Variants in GALNTL6 observed in about 807,000 individuals in gnomAD.
GALNTL6 encodes polypeptide N-acetylgalactosaminyltransferase like 6.
In GALNTL6, 46 loss-of-function variants were observed where a neutral mutation model predicts 73.7. The ratio of observed to expected loss-of-function variants is 0.62; its 90% CI spans 0.49 to 0.80. GALNTL6 has a LOEUF of 0.80. Among genes scored for constraint, GALNTL6 ranks in the 30% least tolerant of loss-of-function variants. The pLI, the probability that GALNTL6 is intolerant of heterozygous loss-of-function variation, is 0.00. For missense variants in GALNTL6, 604 were observed against 755.0 expected, an observed-to-expected ratio of 0.80 and a Z score of 2.34; for synonymous variants, 259 against 263.7, an observed-to-expected ratio of 0.98 and a Z score of 0.17.
At chr4:172,479,073 A>T (rs1337105675) in intron 5 of GALNTL6, among the ~76,000 whole-genome samples, 1 of 152,232 alleles carries the variant, frequency 6.6e-6, no homozygotes, top group African/African-American at 2.4e-5. Context: ...TGGGAATGTG[A>T]ATTAGTACAG....
At chr4:171,917,535 G>T (rs1426619561) in intron 2 of GALNTL6, among the ~76,000 whole-genome samples, 1 of 151,978 alleles carries the variant, frequency 6.6e-6, no homozygotes, top group Non-Finnish European at 1.5e-5. Context: ...GCAAAGTTGG[G>T]TTTGGAGACT....
At chr4:172,152,152 A>T (rs1734109410) in intron 2 of GALNTL6, among the ~76,000 whole-genome samples, 1 of 151,872 alleles carries the variant, frequency 6.6e-6, no homozygotes, top group Admixed American at 6.6e-5. Context: ...AAATTTTTGT[A>T]TTTTTAGTAG....
chr4:172,484,204 G>T (rs1343754232), intron 5 of GALNTL6, among the ~76,000 whole-genome samples: 1 of 152,044 alleles, frequency 6.6e-6, no homozygotes. Context: ...AGATAGTCTC[G>T]CACCAGATTA....
At chr4:172,900,074 A>G (rs796197448) in intron 8 of GALNTL6, among the ~76,000 whole-genome samples, 56 of 152,278 alleles carry the variant, frequency 3.7e-4, no homozygotes, top group African/African-American at 1.3e-3. Context: ...AATGCAGCCC[A>G]GTAGGTCTCA....
At chr4:172,739,503 C>T (rs1282253640) in intron 5 of GALNTL6, among the ~76,000 whole-genome samples, 2 of 152,030 alleles carry the variant, frequency 1.3e-5, no homozygotes, top group Non-Finnish European at 2.9e-5. Context: ...TATTTTTTAG[C>T]CTATTAAATA....
At chr4:172,276,645 C>T (rs1468920516) in intron 3 of GALNTL6, among the ~76,000 whole-genome samples, 1 of 151,942 alleles carries the variant, frequency 6.6e-6, no homozygotes, top group Non-Finnish European at 1.5e-5. Flanking sequence ...GCAATGATCA[C>T]TTTAACTTTT....
chr4:171,836,425 C>G (rs1348896739), intron 2 of GALNTL6, among the ~76,000 whole-genome samples: 1 of 151,912 alleles, frequency 6.6e-6, no homozygotes, highest in East Asian at 1.9e-4. Flanking sequence ...TTAAGAAATA[C>G]TTTAGACAAT....
chr4:172,254,632 G>C (rs576278088), intron 3 of GALNTL6, among the ~76,000 whole-genome samples: 166 of 151,798 alleles, frequency 1.1e-3, no homozygotes, highest in African/African-American at 4.0e-3. Context: ...AGAATAATAA[G>C]TCAGAAGAGG....
At chr4:172,008,703 A>C (rs1482043397) in intron 2 of GALNTL6, among the ~76,000 whole-genome samples, 1 of 151,868 alleles carries the variant, frequency 6.6e-6, no homozygotes, top group Non-Finnish European at 1.5e-5. Context: ...AATCCTTTAC[A>C]CTTCTCCTTT....
chr4:171,953,094 T>C lies in GALNTL6; in HGVS notation c.138+138376T>C, dbSNP rs1054043754. On this transcript the variant is annotated intron_variant, in intron 2 of 12. Transcript: ENST00000506823. Reference sequence around the variant, plus strand: ...CGTAAGGACATAATGTTGAAAAGTATACTTTACTGAAAGGCAATGAAAAAA... The same window carrying C: ...CGTAAGGACATAATGTTGAAAAGTACACTTTACTGAAAGGCAATGAAAAAA... 3.9e-5 allele frequency among the ~76,000 whole-genome samples: 6 copies of C among 152,270 alleles called. No individual in the cohort carries two copies. The South Asian group carries it at 1.2e-3, about 32-fold the overall frequency.
intron 2 of GALNTL6, among the ~76,000 whole-genome samples, chr4:172,192,767 C>T (rs1490170944): frequency 6.6e-6 from 1 of 152,110 alleles, no homozygotes; most frequent in Non-Finnish European, 1.5e-5. Context: ...CAGGTTGCAA[C>T]CAGCGGCAGC....
At chr4:172,287,149 T>C (rs1739286939) in intron 3 of GALNTL6, among the ~76,000 whole-genome samples, 2 of 152,224 alleles carry the variant, frequency 1.3e-5, no homozygotes, top group South Asian at 4.1e-4. Context: ...AAGATGATGA[T>C]GCTTGGAAAA....
intron 5 of GALNTL6, among the ~76,000 whole-genome samples, chr4:172,457,480 A>C (rs1031528863): frequency 1.3e-5 from 2 of 152,180 alleles, no homozygotes; most frequent in African/African-American, 4.8e-5. Context: ...CTCACGTGCA[A>C]AGACATACGT....
intron 2 of GALNTL6, among the ~76,000 whole-genome samples, chr4:171,853,978 G>T (rs1735608482): frequency 6.6e-6 from 1 of 151,956 alleles, no homozygotes; most frequent in Admixed American, 6.6e-5. Context: ...GGCCTTACAT[G>T]CAGCACTGGA....
intron 11 of GALNTL6, among the ~76,000 whole-genome samples, chr4:173,011,439 G>A (rs1752548661): frequency 1.3e-5 from 2 of 152,212 alleles, no homozygotes; most frequent in African/African-American, 4.8e-5. Context: ...CCAGACCAAT[G>A]TCCTGGAGAG....
At chr4:172,974,958 G>GCC (rs1750740757) in intron 10 of GALNTL6, among the ~76,000 whole-genome samples, 1 of 152,234 alleles carries the variant, frequency 6.6e-6, no homozygotes, top group East Asian at 1.9e-4. Context: ...GCTCCAAAGA[G>GCC]GGTGTCACAG....
intron 5 of GALNTL6, among the ~76,000 whole-genome samples, chr4:172,377,954 C>T (rs745456122): frequency 2.2e-4 from 34 of 151,852 alleles, no homozygotes; most frequent in Non-Finnish European, 3.5e-4. Context: ...AGGGAGCTGG[C>T]TCTGGCCTCG....
intron 5 of GALNTL6, among the ~76,000 whole-genome samples, chr4:172,521,808 G>A (rs1734782792): frequency 6.6e-6 from 1 of 152,108 alleles, no homozygotes; most frequent in Non-Finnish European, 1.5e-5. Flanking sequence ...TTTTATGTTG[G>A]ACTGAAATAA....
At chr4:172,901,366 T>C (rs1746620025) in intron 8 of GALNTL6, among the ~76,000 whole-genome samples, 1 of 152,102 alleles carries the variant, frequency 6.6e-6, no homozygotes, top group Admixed American at 6.6e-5. Flanking sequence ...TAAATGGTAA[T>C]AAAAATAGAA....
Sources: gnomAD v4.1 joint callset for allele counts (sites outside exome capture counted in the v4.1 genomes callset) on GRCh38, gnomAD v4.1.1 for gene constraint, MANE v1.5 for transcripts, NCBI Gene and HGNC (gene_info 2026-07-23, HGNC 2026-07-21) for gene names.